TRIM67: variants seen among roughly 807,000 people sequenced by gnomAD.
TRIM67 encodes the protein tripartite motif containing 67, also known as tripartite motif-containing protein 67.
TRIM67 carries 39 observed loss-of-function variants against 71.0 expected under a neutral mutation model. The ratio of observed to expected loss-of-function variants is 0.55; its 90% confidence interval spans 0.43 to 0.72. The LOEUF (loss-of-function observed/expected upper bound fraction) is 0.72, where lower values mean the gene tolerates loss of function less well. Among genes scored for constraint, TRIM67 ranks in the 30% least tolerant of loss-of-function variants. The pLI, the probability that TRIM67 is intolerant of heterozygous loss-of-function variation, is 0.00. For synonymous variants in TRIM67, 481 were observed against 473.9 expected (o/e 1.01, Z -0.19); for missense variants, 973 against 1,079.2 (o/e 0.90, Z 1.38).
chr1:231,181,019 A>T (rs1682890708), intron 1 of TRIM67, among the ~76,000 whole-genome samples: 1 of 152,106 alleles, frequency 6.6e-6, no homozygotes, highest in Non-Finnish European at 1.5e-5. Context: ...AGGCTAGAGT[A>T]CAGTGGTGCG....
chr1:231,184,764 G>A (rs886465387), intron 1 of TRIM67: 4 of 536,566 alleles, frequency 7.5e-6, no homozygotes, highest in African/African-American at 5.8e-5. Context: ...GAACCACCAT[G>A]AGTAGAGTGC....
intron 1 of TRIM67, among the ~76,000 whole-genome samples, chr1:231,167,912 A>G (rs1032934849): frequency 6.6e-6 from 1 of 152,126 alleles, no homozygotes; most frequent in Admixed American, 6.5e-5. Flanking sequence ...ACATGGAGTC[A>G]TAGTTGCACT....
chr1:231,202,145 AGAGGTAGCGGAGGAGGAGGTAGTG>A, intron 5 of TRIM67, among the ~76,000 whole-genome samples: 1 of 2,310 alleles, frequency 4.3e-4, no homozygotes, highest in Non-Finnish European at 1.0e-3. Context: ...AGGAGGAGGA[AGAGGTAGCGGAGGAGGAGGTAGTG>A]GAGGAGGAGG....
At position 231,209,285 on chromosome 1, in the gene TRIM67, C is replaced by A; in HGVS notation, c.2123+35C>A. ...GGCCCCATCCTGCCTCCCGTGGACA[C>A]AGGTTGTTTGGGAATGAGGGTCCTG... On this transcript the variant is annotated intron_variant, in intron 8 of 9. Coordinates refer to ENST00000366653, the MANE Select transcript of TRIM67 (RefSeq NM_001004342.5). The surrounding 1 kb of genome is among the most constrained non-coding windows in gnomAD (Gnocchi z 4.1). 6.6e-7 allele frequency: 1 copy of A among 1,506,370 alleles called. No individual in the cohort carries two copies. The highest frequency in any genetic ancestry group is 8.9e-7 in the Non-Finnish European group (1 of 1,123,070). The allele number at this position is 1,506,370 out of a possible 1,614,324, so 93.3% of individuals were successfully genotyped here.
In TRIM67 at chr1:231,217,271, G is replaced by A; in HGVS notation, c.*1831G>A. The A allele has an allele frequency of 1.0e-6, 1 of 986,054 alleles. No homozygotes were observed. The highest frequency in any genetic ancestry group is 1.7e-5 in the African/African-American group (1 of 57,350). 61.1% of individuals were successfully genotyped at this position (986,054 alleles called of 1,614,324 possible). ...TGTTGCAGTCTCTGCTGCGGAGCCT[G>A]GGAGCTATCTGCTTCATGGAAGTCT... On this transcript the variant is annotated 3_prime_UTR_variant, in exon 10 of 10. Transcript: ENST00000366653.
At position 231,213,885 on chromosome 1, in the gene TRIM67, TTCTTCATCA is replaced by T; in HGVS notation, c.2195_2203del (p.Phe732_Asn735delinsTyr). On this transcript the variant is annotated inframe_deletion, in exon 9 of 10. Coordinates refer to ENST00000366653, the MANE Select transcript of TRIM67 (RefSeq NM_001004342.5). Reference sequence around the variant, plus strand: ...GGACCTGAATAAGCACACTCTCACCTTCTTCATCAACGGGCAGCAGCAGGGCCCCACAGC... The same window carrying T: ...GGACCTGAATAAGCACACTCTCACCTACGGGCAGCAGCAGGGCCCCACAGC... The T allele has an allele frequency of 6.2e-7, 1 of 1,613,744 alleles. No homozygotes were observed. The highest frequency in any genetic ancestry group is 8.5e-7 in the Non-Finnish European group (1 of 1,179,760).
rs1006653191 is a variant in TRIM67, at chr1:231,216,383, A to C, written c.*943A>C. ...ACGTGAAAACACAAGAATTTTAACA[A>C]CTATGTCATAGGTCTTCGCCTGGTG... On this transcript the variant is annotated 3_prime_UTR_variant, in exon 10 of 10. Transcript: ENST00000366653. The C allele has an allele frequency of 2.0e-6, 2 of 985,322 alleles. No homozygotes were observed. Among genetic ancestry groups the C allele is most frequent in the African/African-American group, 3.5e-5 (2 of 57,244 alleles). 61.0% of individuals were successfully genotyped at this position (985,322 alleles called of 1,614,324 possible). A position where few individuals can be genotyped will look rare whatever the true frequency, so the allele number is the denominator to read the frequency against.
At position 231,218,734 on chromosome 1, in the gene TRIM67, G is replaced by A; in HGVS notation, c.*3294G>A. ...TCAGCCTGATATGTACTTTGTAGTT[G>A]CAACAGCGCCCTAGGTGCCCTATGG... is the stretch of plus-strand genomic sequence containing the variant. On this transcript the variant is annotated 3_prime_UTR_variant, in exon 10 of 10. Transcript: ENST00000366653. 1.0e-6 allele frequency: 1 copy of A among 985,424 alleles called. No individual in the cohort carries two copies. 61.0% of individuals were successfully genotyped at this position (985,424 alleles called of 1,614,324 possible). A position where few individuals can be genotyped will look rare whatever the true frequency, so the allele number is the denominator to read the frequency against.
Position 231,163,065 on chromosome 1 carries a change from C to T in TRIM67, c.96C>T (p.Arg32=), listed in dbSNP as rs1276559060. The T allele has an allele frequency of 6.2e-7, 1 of 1,604,706 alleles. No homozygotes were observed. Among genetic ancestry groups the T allele is most frequent in the Non-Finnish European group, 8.5e-7 (1 of 1,176,056 alleles). ...CSHNVCLPCA[R]TIAVQTPDGE... ...ACAATGTCTGCCTGCCTTGCGCTCGCACCATCGCGGTGCAGACCCCGGACG... is the reference window on the plus strand; with the variant it reads ...ACAATGTCTGCCTGCCTTGCGCTCGTACCATCGCGGTGCAGACCCCGGACG... The change falls in exon 1 of 10, where the codon CGC becomes CGT. Residue 32 remains arginine, a synonymous_variant. Transcript: ENST00000366653.
chr1:231,181,106 C>T (rs909031034), intron 1 of TRIM67, among the ~76,000 whole-genome samples: 3 of 152,200 alleles, frequency 2.0e-5, no homozygotes, highest in Admixed American at 2.0e-4. Flanking sequence ...GCTGGGACTA[C>T]AGGCATGCAC....
At chr1:231,198,909 C>A (rs964423765) in intron 2 of TRIM67, 138 bp from the exon 3 acceptor site, 1 of 1,359,030 alleles carries the variant, frequency 7.4e-7, no homozygotes, top group Non-Finnish European at 1.0e-6. Context: ...TAAATATTGT[C>A]TCTAATTTAA....
At chr1:231,191,375 C>A (rs1194992561) in intron 1 of TRIM67, among the ~76,000 whole-genome samples, 2 of 152,146 alleles carry the variant, frequency 1.3e-5, no homozygotes, top group Non-Finnish European at 2.9e-5. Flanking sequence ...TGGAAGTTAT[C>A]TTTATTCTGG....
At chr1:231,186,334 A>G (rs1683075220) in intron 1 of TRIM67, among the ~76,000 whole-genome samples, 1 of 152,218 alleles carries the variant, frequency 6.6e-6, no homozygotes, top group South Asian at 2.1e-4. Flanking sequence ...TCAGCAGCGC[A>G]TCCGTGGACC....
At chr1:231,179,922 G>C (rs1571876285) in intron 1 of TRIM67, among the ~76,000 whole-genome samples, 1 of 152,188 alleles carries the variant, frequency 6.6e-6, no homozygotes, top group East Asian at 1.9e-4. Context: ...TGGGCAAAGA[G>C]TAGGAGAAGG....
In TRIM67 at chr1:231,216,740, A is replaced by G. The variant is rs1386118567; in HGVS notation, c.*1300A>G. 4 of 985,362 alleles carry G rather than the reference A, an allele frequency of 4.1e-6. No homozygotes were observed. The highest frequency in any genetic ancestry group is 4.8e-6 in the Non-Finnish European group (4 of 829,964). The allele number at this position is 985,362 out of a possible 1,614,324, so 61.0% of individuals were successfully genotyped here. On this transcript the variant is annotated 3_prime_UTR_variant, in exon 10 of 10. Coordinates refer to ENST00000366653, the MANE Select transcript of TRIM67 (RefSeq NM_001004342.5). ...GACCTGCCAGGGCAGGACTCTGGAA[A>G]CACCAGGCTTCTCCCTTGAGATCCA...
rs781007888 is a variant in TRIM67 at position 231,216,594 on chromosome 1, G to A, written c.*1154G>A. The A allele has an allele frequency of 1.7e-5, 17 of 985,466 alleles. No homozygotes were observed. Among genetic ancestry groups the A allele is most frequent in the Non-Finnish European group, 2.0e-5 (17 of 830,022 alleles). 61.0% of individuals were successfully genotyped at this position (985,466 alleles called of 1,614,324 possible). ...ATGAACACAAGTGGCCCCTGTGGCAGGCCGGGACGGCTCTGCCCTGATGCA... is the reference window on the plus strand; with the variant it reads ...ATGAACACAAGTGGCCCCTGTGGCAAGCCGGGACGGCTCTGCCCTGATGCA... On this transcript the variant is annotated 3_prime_UTR_variant, in exon 10 of 10. Coordinates refer to ENST00000366653, the MANE Select transcript of TRIM67 (RefSeq NM_001004342.5).
Position 231,215,860 on chromosome 1 carries a change from C to G in TRIM67, c.*420C>G, listed in dbSNP as rs977380615. 6 of 1,001,802 alleles carry G rather than the reference C, an allele frequency of 6.0e-6. No individual in the cohort carries two copies. The African/African-American group carries it at 1.0e-4, about 17-fold the overall frequency. 62.1% of individuals were successfully genotyped at this position (1,001,802 alleles called of 1,614,324 possible). A position where few individuals can be genotyped will look rare whatever the true frequency, so the allele number is the denominator to read the frequency against. ...CAGGAGCTGCGCTGTAATCCCACGC[C>G]CCGGGTGTTGGCCCTCCGTGGGGAC... On this transcript the variant is annotated 3_prime_UTR_variant, in exon 10 of 10. Coordinates refer to ENST00000366653, the MANE Select transcript of TRIM67 (RefSeq NM_001004342.5).
At chr1:231,196,339 G>A (rs1165230389) in intron 1 of TRIM67, among the ~76,000 whole-genome samples, 1 of 152,114 alleles carries the variant, frequency 6.6e-6, no homozygotes, top group Non-Finnish European at 1.5e-5. Flanking sequence ...TGGGCGTGAT[G>A]GCTCACACCT....
intron 1 of TRIM67, among the ~76,000 whole-genome samples, chr1:231,170,626 T>A (rs1682597707): frequency 6.6e-6 from 1 of 152,030 alleles, no homozygotes; most frequent in South Asian, 2.1e-4. Flanking sequence ...CAATATAGAG[T>A]GTTCTAGATG....
Sources: allele counts gnomAD v4.1 joint callset (sites outside exome capture counted in the v4.1 genomes callset), GRCh38; gene constraint gnomAD v4.1.1; non-coding constraint Gnocchi (gnomAD v3.1); transcripts MANE v1.5; gene names NCBI Gene and HGNC (gene_info 2026-07-23, HGNC 2026-07-21).